The following ENPP2 variants were observed in gnomAD, a reference collection of about 807,000 sequenced individuals.
ENPP2 encodes ectonucleotide pyrophosphatase/phosphodiesterase 2.
A neutral mutation model predicts 120.2 loss-of-function variants in ENPP2; 51 were observed. The observed-to-expected ratio is 0.42, with a 90% CI of 0.34 to 0.54. The LOEUF (loss-of-function observed/expected upper bound fraction) is 0.54, where lower values mean the gene tolerates loss of function less well. Ranked by LOEUF, ENPP2 falls within the 20% of genes least tolerant of loss-of-function variation. ENPP2 has a pLI of 0.04. For missense variants in ENPP2, 920 were observed against 1,066.5 expected, an observed-to-expected ratio of 0.86 and a Z score of 1.91; for synonymous variants, 365 against 366.4, an observed-to-expected ratio of 1.00 and a Z score of 0.04.
At chr8:119,590,484 A>G in intron 13 of ENPP2, 21 bp downstream of exon 13, 7 of 1,577,442 alleles carry the variant, frequency 4.4e-6, no homozygotes, top group Non-Finnish European at 6.0e-6. Flanking sequence ...TAACCACTTA[A>G]TATTTTAAGA....
intron 19 of ENPP2, among the ~76,000 whole-genome samples, chr8:119,579,147 T>C (rs1012717928): frequency 2.2e-4 from 33 of 152,154 alleles, no homozygotes; most frequent in African/African-American, 6.0e-4. Context: ...AGGCTTCCCC[T>C]CCCCTTCTAT....
Position 119,598,602 on chromosome 8 carries a change from A to G in ENPP2, c.972+2076T>C, listed in dbSNP as rs555968109. Among the ~76,000 whole-genome samples the G allele has an allele frequency of 3.1e-4, 47 of 152,344 alleles. 1 individual carries two copies. The South Asian group carries it at 9.1e-3, about 30-fold the overall frequency. On this transcript the variant is annotated intron_variant, in intron 11 of 24. Coordinates refer to ENST00000075322, the MANE Select transcript of ENPP2 (RefSeq NM_001040092.3). ...GCATTTAATTGTAACTGAACTACAC[A>G]TATTAGAAACCCAAAGATGTTTATT...
intron 11 of ENPP2, among the ~76,000 whole-genome samples, chr8:119,596,225 C>A (rs568578888): frequency 6.6e-6 from 1 of 152,280 alleles, no homozygotes; most frequent in South Asian, 2.1e-4. Context: ...TCGCTGAGAA[C>A]AAGAATCCAA....
chr8:119,604,693 G>A (rs1335858436), intron 9 of ENPP2, among the ~76,000 whole-genome samples: 1 of 152,084 alleles, frequency 6.6e-6, no homozygotes, highest in Non-Finnish European at 1.5e-5. Context: ...GAGAGAATGT[G>A]AATAAGAAAA....
At chr8:119,646,630 T>A (rs1587567520) in intron 1 of ENPP2, among the ~76,000 whole-genome samples, 1 of 152,310 alleles carries the variant, frequency 6.6e-6, no homozygotes, top group Non-Finnish European at 1.5e-5. Flanking sequence ...TACTTCTCCA[T>A]CCTAAAACTC....
At chr8:119,626,126 G>A (rs376034113) in intron 3 of ENPP2, among the ~76,000 whole-genome samples, 1,768 of 152,272 alleles carry the variant, frequency 0.012, 17 homozygotes, top group Non-Finnish European at 0.018. Flanking sequence ...GGGAGGCTGA[G>A]GCGGGAAGAT....
At chr8:119,619,409 G>T in intron 4 of ENPP2, 105 bp from the exon 5 acceptor site, 1 of 675,722 alleles carries the variant, frequency 1.5e-6, no homozygotes, top group Non-Finnish European at 2.3e-6. Context: ...TTTCTTTATG[G>T]GATATAACAA....
At chr8:119,600,871 C>T in intron 10 of ENPP2, 121 bp from the exon 11 acceptor site, 4 of 667,366 alleles carry the variant, frequency 6.0e-6, no homozygotes, top group Non-Finnish European at 1.0e-5. Context: ...CCTTTAACTA[C>T]TATTCATGTT....
intron 11 of ENPP2, among the ~76,000 whole-genome samples, chr8:119,595,290 T>C (rs1036945310): frequency 6.6e-6 from 1 of 152,328 alleles, no homozygotes; most frequent in East Asian, 1.9e-4. Flanking sequence ...CAACAACCGA[T>C]AGGCTCTTCT....
intron 15 of ENPP2, among the ~76,000 whole-genome samples, chr8:119,584,259 C>A (rs1349707199): frequency 6.6e-6 from 1 of 152,144 alleles, no homozygotes; most frequent in African/African-American, 2.4e-5. Flanking sequence ...TAAATGGCGA[C>A]CTGTGAACTG....
At chr8:119,591,983 G>A (rs2130448350) in intron 12 of ENPP2, among the ~76,000 whole-genome samples, 1 of 152,230 alleles carries the variant, frequency 6.6e-6, no homozygotes, top group South Asian at 2.1e-4. Flanking sequence ...AAGTCCATCA[G>A]GCACTATGCT....
chr8:119,617,884 T>C (rs1815583284), intron 5 of ENPP2, among the ~76,000 whole-genome samples: 1 of 151,992 alleles, frequency 6.6e-6, no homozygotes, highest in Non-Finnish European at 1.5e-5. Flanking sequence ...GGGAGACAGA[T>C]GTTGCAGTGA....
At chr8:119,637,263 C>T (rs1171444100) in intron 2 of ENPP2, among the ~76,000 whole-genome samples, 2 of 152,090 alleles carry the variant, frequency 1.3e-5, no homozygotes, top group African/African-American at 2.4e-5. Context: ...CTGTCCTCTG[C>T]CTCCCCAACA....
At chr8:119,638,880 C>T, upstream of ENPP2, 1 of 1,481,284 alleles carries the variant, frequency 6.8e-7, no homozygotes, top group South Asian at 1.1e-5. Flanking sequence ...TATAAGCAAT[C>T]CCACCTGGGA....
intron 3 of ENPP2, among the ~76,000 whole-genome samples, chr8:119,622,322 T>G (rs1815962539): frequency 6.6e-6 from 1 of 152,194 alleles, no homozygotes; most frequent in African/African-American, 2.4e-5. Flanking sequence ...GTTAAAGTCC[T>G]AAATAGGATG....
intron 2 of ENPP2, among the ~76,000 whole-genome samples, chr8:119,633,799 G>T (rs1351614381): frequency 6.6e-6 from 1 of 151,364 alleles, no homozygotes; most frequent in Non-Finnish European, 1.5e-5. Context: ...CTTCACAGCT[G>T]CTAGGCCAGA....
chr8:119,579,156 A>G (rs1233130964), intron 19 of ENPP2, among the ~76,000 whole-genome samples: 1 of 151,980 alleles, frequency 6.6e-6, no homozygotes, highest in Non-Finnish European at 1.5e-5. Flanking sequence ...CTCCCCTTCT[A>G]TTTTCCTCCA....
intron 1 of ENPP2, among the ~76,000 whole-genome samples, chr8:119,672,994 G>C (rs1317416893): frequency 6.6e-6 from 1 of 152,138 alleles, no homozygotes; most frequent in African/African-American, 2.4e-5. Context: ...AAGTTGGACG[G>C]GCTCGCTTTC....
At chr8:119,621,620 A>C in intron 3 of ENPP2, 101 bp from the exon 4 acceptor site, 542 of 1,227,404 alleles carry the variant, frequency 4.4e-4, no homozygotes, top group Non-Finnish European at 5.5e-4. Context: ...CTAAAATCTC[A>C]CATCATTTAC....
Sources: gnomAD v4.1 joint callset for allele counts (sites outside exome capture counted in the v4.1 genomes callset) on GRCh38, gnomAD v4.1.1 for gene constraint, MANE v1.5 for transcripts, NCBI Gene and HGNC (gene_info 2026-07-23, HGNC 2026-07-21) for gene names.